The following LINGO2 variants were observed in gnomAD, a reference collection of about 807,000 sequenced individuals.
LINGO2 encodes leucine-rich repeat and immunoglobulin-like domain-containing nogo receptor-interacting protein 2.
A neutral mutation model predicts 30.6 loss-of-function variants in LINGO2; 14 were observed. The ratio of observed to expected loss-of-function variants is 0.46; its 90% confidence interval spans 0.30 to 0.72. The LOEUF (loss-of-function observed/expected upper bound fraction) is 0.72, where lower values mean the gene tolerates loss of function less well. LINGO2 is among the 30% of genes least tolerant of loss of function. The pLI is 0.07. For synonymous variants in LINGO2, 317 were observed against 288.5 expected (o/e 1.10, Z -1.00); for missense variants, 729 against 751.7 (o/e 0.97, Z 0.35).
chr9:28,476,685 A>G (rs1000230927), intron 1 of LINGO2, among the ~76,000 whole-genome samples: 1 of 152,006 alleles, frequency 6.6e-6, no homozygotes, highest in Admixed American at 6.5e-5. Context: ...GTATTTTGTT[A>G]TAACGTAATG....
chr9:28,000,373 AAGG>A (rs1383937063), intron 5 of LINGO2, among the ~76,000 whole-genome samples: 7 of 148,698 alleles, frequency 4.7e-5, no homozygotes, highest in Non-Finnish European at 8.8e-5. Context: ...AGCCGAAAAG[AAGG>A]AGGAGAAAAA....
intron 2 of LINGO2, among the ~76,000 whole-genome samples, chr9:28,425,346 A>AC (rs33924393): frequency 0.058 from 7,991 of 137,036 alleles, 264 homozygotes; most frequent in Middle Eastern, 0.14. Flanking sequence ...TATATATATA[A>AC]ACACATACAT....
the LINGO2 span, among the ~76,000 whole-genome samples, chr9:29,153,858 C>T: frequency 9.9e-5 from 15 of 152,266 alleles, no homozygotes; most frequent in Non-Finnish European, 1.8e-4. Context: ...CCATGTAATT[C>T]TCAGGTCTTT....
At chr9:28,974,917 T>C in the LINGO2 span, among the ~76,000 whole-genome samples, 311 of 152,234 alleles carry the variant, frequency 2.0e-3, 1 homozygote, top group African/African-American at 6.7e-3. Context: ...TTCATTTTCA[T>C]TGGACAAGTC....
chr9:27,938,677 T>G, the LINGO2 span: 39 of 152,150 alleles, frequency 2.6e-4, no homozygotes, highest in Non-Finnish European at 2.9e-4. Flanking sequence ...ATGATTTAGA[T>G]GACAGAATGA....
the LINGO2 span, among the ~76,000 whole-genome samples, chr9:28,804,777 C>G: frequency 6.6e-6 from 1 of 152,034 alleles, no homozygotes; most frequent in Admixed American, 6.6e-5. Flanking sequence ...CATGGCACAG[C>G]TGGAACCTCT....
chr9:28,754,333 C>T, the LINGO2 span, among the ~76,000 whole-genome samples: 8 of 152,098 alleles, frequency 5.3e-5, no homozygotes, highest in South Asian at 2.1e-4. Flanking sequence ...AAGATTGTAA[C>T]GCATATGTGT....
the LINGO2 span, among the ~76,000 whole-genome samples, chr9:28,755,722 A>G: frequency 6.6e-6 from 1 of 152,094 alleles, no homozygotes; most frequent in Non-Finnish European, 1.5e-5. Context: ...TTTAAGATCT[A>G]CAGATCGTTT....
intron 5 of LINGO2, among the ~76,000 whole-genome samples, chr9:27,987,560 A>C (rs558110774): frequency 6.6e-6 from 1 of 151,898 alleles, no homozygotes; most frequent in African/African-American, 2.4e-5. Flanking sequence ...AATAAACAAG[A>C]TATTTGGTTT....
At chr9:28,496,512 T>C (rs1819635697) in intron 1 of LINGO2, among the ~76,000 whole-genome samples, 4 of 151,180 alleles carry the variant, frequency 2.6e-5, no homozygotes. Context: ...ATTTGCTTGG[T>C]AGATCTTCCT....
intron 3 of LINGO2, among the ~76,000 whole-genome samples, chr9:28,366,783 A>G (rs954129542): frequency 4.6e-5 from 7 of 152,094 alleles, no homozygotes; most frequent in African/African-American, 1.7e-4. Flanking sequence ...TTATTTTATG[A>G]AAGTAATACA....
intron 2 of LINGO2, among the ~76,000 whole-genome samples, chr9:28,454,507 A>AGTCTAT (rs978171097): frequency 2.6e-5 from 4 of 152,044 alleles, no homozygotes; most frequent in African/African-American, 9.7e-5. Flanking sequence ...GACATGAGGA[A>AGTCTAT]GTCTATACAA....
At chr9:29,180,144 G>A in the LINGO2 span, among the ~76,000 whole-genome samples, 1 of 152,102 alleles carries the variant, frequency 6.6e-6, no homozygotes, top group African/African-American at 2.4e-5. Context: ...CAGCACCAAG[G>A]AAAACACTCT....
intron 1 of LINGO2, among the ~76,000 whole-genome samples, chr9:28,660,247 T>A (rs1588038996): frequency 6.6e-6 from 1 of 152,256 alleles, no homozygotes; most frequent in African/African-American, 2.4e-5. Flanking sequence ...AATTAAAATA[T>A]GGTTATTAAT....
chr9:28,192,430 C>A (rs1402453360), intron 4 of LINGO2, among the ~76,000 whole-genome samples: 1 of 152,008 alleles, frequency 6.6e-6, no homozygotes, highest in Admixed American at 6.6e-5. Flanking sequence ...AATTTCAAAT[C>A]ACTGATGCCG....
the LINGO2 span, among the ~76,000 whole-genome samples, chr9:28,754,483 T>C: frequency 6.6e-6 from 1 of 152,098 alleles, no homozygotes; most frequent in South Asian, 2.1e-4. Flanking sequence ...CTCATTCAAA[T>C]CCAAATCTAC....
At chr9:28,336,447 T>G (rs2134367740) in intron 3 of LINGO2, among the ~76,000 whole-genome samples, 1 of 152,286 alleles carries the variant, frequency 6.6e-6, no homozygotes, top group Non-Finnish European at 1.5e-5. Flanking sequence ...CATTTTTTCT[T>G]TTTGGATTTC....
chr9:29,127,228 ATC>A, the LINGO2 span, among the ~76,000 whole-genome samples: 1 of 152,028 alleles, frequency 6.6e-6, no homozygotes, highest in Non-Finnish European at 1.5e-5. Flanking sequence ...GTACTCTGAA[ATC>A]TGTGTTTTCA....
chr9:29,191,949 G>A, the LINGO2 span, among the ~76,000 whole-genome samples: 10 of 151,802 alleles, frequency 6.6e-5, no homozygotes, highest in South Asian at 2.1e-3. Flanking sequence ...CCAGGATTAT[G>A]TAAGTATCTC....
Sources: gnomAD v4.1 joint callset for allele counts (sites outside exome capture counted in the v4.1 genomes callset) on GRCh38, gnomAD v4.1.1 for gene constraint, MANE v1.5 for transcripts, NCBI Gene and HGNC (gene_info 2026-07-23, HGNC 2026-07-21) for gene names.